The following GPC6 variants were observed in gnomAD, a reference collection of about 807,000 sequenced individuals.
The protein encoded by GPC6 is glypican 6.
Under a neutral mutation model 55.2 loss-of-function variants are expected in GPC6, and 14 were observed. That is an observed-to-expected ratio of 0.25 (90% CI 0.17 to 0.40). The LOEUF is 0.40. GPC6 is among the 10% of genes least tolerant of loss of function. The probability of loss-of-function intolerance (pLI) is 1.00; values close to 1 mark genes in which losing one functional copy is unlikely to be tolerated. For missense variants in GPC6, 641 were observed against 708.5 expected (o/e 0.90, Z 1.08); for synonymous variants, 278 against 259.6 (o/e 1.07, Z -0.68).
chr13:93,725,035 A>T (rs1883585616), intron 2 of GPC6, among the ~76,000 whole-genome samples: 1 of 152,048 alleles, frequency 6.6e-6, no homozygotes, highest in Non-Finnish European at 1.5e-5. Context: ...ATCAATAATG[A>T]TGTAACCTAT....
intron 2 of GPC6, among the ~76,000 whole-genome samples, chr13:93,766,839 T>G (rs77014710): frequency 0.041 from 6,230 of 152,262 alleles, 200 homozygotes; most frequent in Non-Finnish European, 0.066. Flanking sequence ...AACTATCTCC[T>G]TAAGCTTAGC....
Position 94,046,939 on chromosome 13 carries a change from C to T in GPC6, c.877+19045C>T, listed in dbSNP as rs115502763. Among the ~76,000 whole-genome samples the T allele has an allele frequency of 5.0e-3, 761 of 151,982 alleles. 11 individuals are homozygous for T. Among genetic ancestry groups the T allele is most frequent in the African/African-American group, 0.018 (728 of 41,430 alleles). On this transcript the variant is annotated intron_variant, in intron 4 of 8. Coordinates refer to ENST00000377047, the MANE Select transcript of GPC6 (RefSeq NM_005708.5). ...TACTAACTATAGTTCGCCACTACTG[C>T]GAAGTTGGAGGATTATACTCCTTAA...
rs553564058 is a variant in GPC6, at chr13:94,159,991, A to T, written c.878-126358A>T. Among the ~76,000 whole-genome samples, 3 of 152,274 alleles carry T rather than the reference A, an allele frequency of 2.0e-5. No individual in the cohort carries two copies. In the East Asian group the frequency reaches 5.8e-4, roughly 29 times the overall value. On this transcript the variant is annotated intron_variant, in intron 4 of 8. Transcript: ENST00000377047. ...AGTTTATATAGGCAATATATATTTA[A>T]ATAATAATCCTGCTCTTTTTTATGT...
intron 4 of GPC6, among the ~76,000 whole-genome samples, chr13:94,121,863 A>C (rs1403923201): frequency 6.6e-6 from 1 of 152,120 alleles, no homozygotes; most frequent in African/African-American, 2.4e-5. Context: ...ACTCAGTAAT[A>C]CAGGAGTCCT....
chr13:94,150,886 A>G (rs1887717178), intron 4 of GPC6, among the ~76,000 whole-genome samples: 1 of 149,344 alleles, frequency 6.7e-6, no homozygotes, highest in African/African-American at 2.5e-5. Context: ...AAGCACCTGT[A>G]AAGCATATCA....
At chr13:94,392,954 A>G (rs1880722795) in intron 7 of GPC6, among the ~76,000 whole-genome samples, 1 of 152,216 alleles carries the variant, frequency 6.6e-6, no homozygotes, top group Non-Finnish European at 1.5e-5. Flanking sequence ...AGTTTTCTGC[A>G]GCAACTACAC....
chr13:94,275,988 T>A (rs996753790), intron 4 of GPC6, among the ~76,000 whole-genome samples: 2 of 152,178 alleles, frequency 1.3e-5, no homozygotes, highest in South Asian at 2.1e-4. Flanking sequence ...GGTGAGAATA[T>A]AAACAAGTAC....
At chr13:93,219,782 G>C in the GPC6 span, among the ~76,000 whole-genome samples, 145,399 of 152,230 alleles carry the variant, frequency 0.96, 69,781 homozygotes, top group East Asian at 1. Flanking sequence ...AAGGTTTAGT[G>C]ATATTAGTAT....
intron 1 of GPC6, among the ~76,000 whole-genome samples, chr13:93,497,222 G>A (rs1259609268): frequency 6.6e-6 from 1 of 152,084 alleles, no homozygotes; most frequent in African/African-American, 2.4e-5. Flanking sequence ...AGTAGCCTAG[G>A]GCATCTACAT....
chr13:94,043,149 C>T (rs776967818), intron 4 of GPC6, among the ~76,000 whole-genome samples: 280 of 151,730 alleles, frequency 1.8e-3, no homozygotes, highest in Middle Eastern at 6.8e-3. Context: ...TTGTATTTTT[C>T]CTGCATCAGT....
At chr13:94,319,942 A>T (rs1876730984) in intron 6 of GPC6, among the ~76,000 whole-genome samples, 2 of 152,194 alleles carry the variant, frequency 1.3e-5, no homozygotes, top group Admixed American at 1.3e-4. Context: ...CTAAGCCATT[A>T]TGTCTTCAAA....
chr13:93,762,755 T>C (rs1400694045), intron 2 of GPC6, among the ~76,000 whole-genome samples: 1 of 152,248 alleles, frequency 6.6e-6, no homozygotes, highest in Non-Finnish European at 1.5e-5. Context: ...AGTCAGGTTC[T>C]GATGTGCTGG....
At chr13:93,418,818 G>A (rs1594156288) in intron 1 of GPC6, among the ~76,000 whole-genome samples, 1 of 149,492 alleles carries the variant, frequency 6.7e-6, no homozygotes, top group Non-Finnish European at 1.5e-5. Flanking sequence ...CTATACCATA[G>A]CATCACTTTA....
chr13:93,288,744 G>A (rs981343060), intron 1 of GPC6, among the ~76,000 whole-genome samples: 1 of 152,192 alleles, frequency 6.6e-6, no homozygotes, highest in Non-Finnish European at 1.5e-5. Flanking sequence ...AATTGATGAT[G>A]TCTGGATAAC....
At chr13:93,255,729 G>C (rs1033359053) in intron 1 of GPC6, among the ~76,000 whole-genome samples, 1 of 152,072 alleles carries the variant, frequency 6.6e-6, no homozygotes, top group South Asian at 2.1e-4. Flanking sequence ...TTTCTAATCT[G>C]GAAAATATAA....
At chr13:93,404,062 A>G (rs1290013078) in intron 1 of GPC6, among the ~76,000 whole-genome samples, 1 of 152,112 alleles carries the variant, frequency 6.6e-6, no homozygotes, top group Admixed American at 6.6e-5. Context: ...CTAAGAGACA[A>G]AATTGTTTCC....
chr13:93,769,611 C>A lies in GPC6; in HGVS notation c.320-60543C>A, dbSNP rs4520709. 4.9e-3 allele frequency among the ~76,000 whole-genome samples: 743 copies of A among 152,262 alleles called. 8 individuals carry two copies. The highest frequency in any genetic ancestry group is 0.017 in the African/African-American group (699 of 41,546). Reference sequence around the variant, plus strand: ...TTCACCTTATTTCTACACTCTTACCCCTTCCATATTTTTAATTAACTTTTC... The same window carrying A: ...TTCACCTTATTTCTACACTCTTACCACTTCCATATTTTTAATTAACTTTTC... On this transcript the variant is annotated intron_variant, in intron 2 of 8. Transcript: ENST00000377047.
chr13:94,026,372 A>G (rs889037671), intron 3 of GPC6, among the ~76,000 whole-genome samples: 6 of 152,092 alleles, frequency 3.9e-5, no homozygotes, highest in South Asian at 2.1e-4. Context: ...CCATCAATAC[A>G]CTGGTGTTAT....
chr13:93,261,597 A>T (rs1203029485), intron 1 of GPC6, among the ~76,000 whole-genome samples: 1 of 152,212 alleles, frequency 6.6e-6, no homozygotes, highest in African/African-American at 2.4e-5. Flanking sequence ...AAAAGAGAAA[A>T]CAGTGTCTAT....
Sources: gnomAD v4.1 joint callset for allele counts (sites outside exome capture counted in the v4.1 genomes callset) on GRCh38, gnomAD v4.1.1 for gene constraint, MANE v1.5 for transcripts, NCBI Gene and HGNC (gene_info 2026-07-23, HGNC 2026-07-21) for gene names.